WDR62: variants seen among roughly 807,000 people sequenced by gnomAD.
The protein encoded by WDR62 is WD repeat-containing protein 62.
A neutral mutation model predicts 160.6 loss-of-function variants in WDR62; 112 were observed. That is an observed-to-expected ratio of 0.70 (90% CI 0.60 to 0.82). WDR62 has a LOEUF of 0.82. Ranked by LOEUF, WDR62 falls within the 40% of genes least tolerant of loss-of-function variation. The probability of loss-of-function intolerance (pLI) is 0.00; values close to 1 mark genes in which losing one functional copy is unlikely to be tolerated. For synonymous variants in WDR62, 792 were observed against 815.1 expected (o/e 0.97, Z 0.48); for missense variants, 1,819 against 1,983.8 (o/e 0.92, Z 1.58).
In WDR62 at chr19:36,103,347, C is replaced by G. The variant is rs768997685; in HGVS notation, c.3519C>G (p.Pro1173=). Residue 1173 remains proline, a synonymous_variant, in exon 30 of 32, where the codon CCC becomes CCG. Coordinates refer to ENST00000401500, the MANE Select transcript of WDR62 (RefSeq NM_001083961.2). ...TGCCATCTGCTTCCGTTACAGCTCC[C>G]TGCCTTACGAGCCTGGCGTCCTGTG... ...ETLEAWRPPP[P]CLTSLASCVP... 8.7e-6 allele frequency: 14 copies of G among 1,613,866 alleles called. No individual in the cohort carries two copies. The highest frequency in any genetic ancestry group is 1.2e-5 in the Non-Finnish European group (14 of 1,180,030).
Position 36,085,414 on chromosome 19 carries a change from C to CTTTTTTT in WDR62, c.1642+687_1642+693dup, listed in dbSNP as rs35753706. 1.4e-3 allele frequency among the ~76,000 whole-genome samples: 101 copies of CTTTTTTT among 70,374 alleles called. 14 individuals are homozygous for CTTTTTTT. The highest frequency in any genetic ancestry group is 7.7e-3 in the East Asian group (10 of 1,292). The allele number at this position is 70,374 out of a possible 152,430, so 46.2% of individuals were successfully genotyped here. ...TAGGGCATGAGCCACCACACCTGAC[C>CTTTTTTT]TTTTTTTTTTTTTTTTTTTTTTTGA... On this transcript the variant is annotated intron_variant, in intron 12 of 31. Coordinates refer to ENST00000401500, the MANE Select transcript of WDR62 (RefSeq NM_001083961.2).
In WDR62 at chr19:36,086,657, A is replaced by G. The variant is rs536060974; in HGVS notation, c.1643-30A>G. On this transcript the variant is annotated intron_variant, in intron 12 of 31. Transcript: ENST00000401500. ...AGGCCAGGGCACCCACGCAGCCTTCAGGAACCAGTCTCATTCTCTCCTCTC... is the reference window on the plus strand; with the variant it reads ...AGGCCAGGGCACCCACGCAGCCTTCGGGAACCAGTCTCATTCTCTCCTCTC... The G allele has an allele frequency of 3.8e-6, 6 of 1,585,972 alleles. No individual in the cohort carries two copies. In the African/African-American group the frequency reaches 4.0e-5, roughly 11 times the overall value.
chr19:36,108,265 C>T (rs1406900739), downstream of WDR62, among the ~76,000 whole-genome samples: 1 of 152,148 alleles, frequency 6.6e-6, no homozygotes, highest in Non-Finnish European at 1.5e-5. Flanking sequence ...TCCAGTCAAC[C>T]TCCTAGGCCA....
intron 10 of WDR62, chr19:36,082,076 G>A (rs987973884): frequency 1.4e-5 from 5 of 354,654 alleles, no homozygotes; most frequent in Non-Finnish European, 2.8e-5. Context: ...CCTGAGTCAT[G>A]CATTCATTTA....
chr19:36,110,782 A>G, the WDR62 span, among the ~76,000 whole-genome samples: 1 of 152,186 alleles, frequency 6.6e-6, no homozygotes, highest in Non-Finnish European at 1.5e-5. Flanking sequence ...GTCCTCAGAC[A>G]GCTGCTGTGA....
At chr19:36,090,576 C>T (rs983926696) in intron 16 of WDR62, 56 bp downstream of exon 16, 27 of 1,506,358 alleles carry the variant, frequency 1.8e-5, no homozygotes, top group Middle Eastern at 3.4e-4. Context: ...CCTATTGTGA[C>T]GGCCCACACC....
At chr19:36,065,886 A>G in intron 3 of WDR62, 72 bp from the exon 4 acceptor site, 1 of 1,456,246 alleles carries the variant, frequency 6.9e-7, no homozygotes, top group East Asian at 2.3e-5. Context: ...GAGTCCTATC[A>G]GAGTCGCCAG....
chr19:36,067,156 A>T (rs1970983605), intron 5 of WDR62, 150 bp from the exon 6 acceptor site: 1 of 969,438 alleles, frequency 1.0e-6, no homozygotes, highest in Non-Finnish European at 1.6e-6. Context: ...GGTGCCCCAC[A>T]TAGGTTTCCC....
rs755502294 is a variant in WDR62, at chr19:36,089,320, C to G, written c.1958+14C>G. 2 of 1,614,094 alleles carry G rather than the reference C, an allele frequency of 1.2e-6. No homozygotes were observed. The highest frequency in any genetic ancestry group is 1.3e-5 in the African/African-American group (1 of 74,944). ...CCGCAATGTGAGGTAAGGGGTGGCC[C>G]TGGACCCTTAGCTGGCCTGGTCTGC... is the stretch of plus-strand genomic sequence containing the variant. On this transcript the variant is annotated intron_variant, in intron 15 of 31. Transcript: ENST00000401500.
At chr19:36,078,851 C>A (rs1323553935) in intron 9 of WDR62, among the ~76,000 whole-genome samples, 18 of 135,952 alleles carry the variant, frequency 1.3e-4, no homozygotes, top group African/African-American at 2.8e-4. Context: ...AAAAAAAAAA[C>A]AAAGTAAGTT....
At chr19:36,060,159 T>G in intron 3 of WDR62, 129 bp downstream of exon 3, 1 of 969,906 alleles carries the variant, frequency 1.0e-6, no homozygotes, top group South Asian at 1.3e-5. Context: ...CTCAGCAGCA[T>G]TCGCCTGTGC....
intron 7 of WDR62, chr19:36,070,580 TC>T (rs1316830294): frequency 1.3e-5 from 2 of 152,288 alleles, no homozygotes; most frequent in Admixed American, 1.3e-4. Context: ...CCTCTCCTGT[TC>T]CTGGCCTGCC....
At position 36,101,319 on chromosome 19, in the gene WDR62, T is replaced by C; in HGVS notation, c.2971+2T>C. On this transcript the variant is annotated splice_donor_variant, in intron 24 of 31. Transcript: ENST00000401500. LOFTEE classifies it high-confidence loss of function. ...CAAAGGACCAGAGCCCGCCTGAGGGTGAGTGCAGGGCAGGCAGGGACCCTG... is the reference window on the plus strand; with the variant it reads ...CAAAGGACCAGAGCCCGCCTGAGGGCGAGTGCAGGGCAGGCAGGGACCCTG... 2 of 1,608,164 alleles carry C rather than the reference T, an allele frequency of 1.2e-6. No individual in the cohort carries two copies. Among genetic ancestry groups the C allele is most frequent in the Non-Finnish European group, 1.7e-6 (2 of 1,177,796 alleles).
At chr19:36,107,003 C>T (rs528979750), downstream of WDR62, among the ~76,000 whole-genome samples, 4 of 152,142 alleles carry the variant, frequency 2.6e-5, no homozygotes, top group African/African-American at 7.2e-5. Flanking sequence ...TTCAGCCCCC[C>T]AGGCCTCGGA....
intron 3 of WDR62, among the ~76,000 whole-genome samples, chr19:36,065,498 A>G (rs1244903091): frequency 6.6e-6 from 1 of 151,992 alleles, no homozygotes; most frequent in Non-Finnish European, 1.5e-5. Context: ...CTCTTTATGG[A>G]TTTTCCAGAA....
downstream of WDR62, among the ~76,000 whole-genome samples, chr19:36,107,367 CCCCGATAGTACTG>C (rs1973735099): frequency 6.6e-6 from 1 of 152,148 alleles, no homozygotes; most frequent in African/African-American, 2.4e-5. Context: ...CTAGAAGCTG[CCCCGATAGTACTG>C]CTATGGGGAG....
At chr19:36,077,556 AG>A (rs1465027226) in intron 9 of WDR62, among the ~76,000 whole-genome samples, 1 of 151,590 alleles carries the variant, frequency 6.6e-6, no homozygotes, top group African/African-American at 2.4e-5. Context: ...GTGGGATTAC[AG>A]GCATGAGCCA....
intron 8 of WDR62, among the ~76,000 whole-genome samples, 196 bp downstream of exon 8, chr19:36,071,912 A>G (rs141782374): frequency 2.0e-5 from 3 of 152,208 alleles, no homozygotes; most frequent in Non-Finnish European, 2.9e-5. Context: ...GAGGCTGGGT[A>G]GGGGGAAGAA....
intron 13 of WDR62, among the ~76,000 whole-genome samples, chr19:36,088,439 T>C (rs543732334): frequency 6.6e-6 from 1 of 152,344 alleles, no homozygotes; most frequent in East Asian, 1.9e-4. Flanking sequence ...GGACCGGAAG[T>C]TGAGGCTCAA....
Sources: allele counts gnomAD v4.1 joint callset (sites outside exome capture counted in the v4.1 genomes callset), GRCh38; gene constraint gnomAD v4.1.1; transcripts MANE v1.5; gene names NCBI Gene and HGNC (gene_info 2026-07-23, HGNC 2026-07-21).